CDH8: variants seen among roughly 807,000 people sequenced by gnomAD.
CDH8 encodes the protein cadherin-8.
In CDH8, 17 loss-of-function variants were observed where a neutral mutation model predicts 68.1. That is an observed-to-expected ratio of 0.25 (90% confidence interval 0.17 to 0.37). CDH8 has a LOEUF of 0.37. Among genes scored for constraint, CDH8 ranks in the 10% least tolerant of loss-of-function variants. The pLI, the probability that CDH8 is intolerant of heterozygous loss-of-function variation, is 1.00. For missense variants in CDH8, 763 were observed against 999.3 expected (o/e 0.76, Z 3.19); for synonymous variants, 372 against 365.1 (o/e 1.02, Z -0.21).
In CDH8 at chr16:62,021,292, A is replaced by G; in HGVS notation, c.112T>C (p.Leu38=). The change falls in exon 2 of 12, where the codon TTA becomes CTA. Residue 38 remains leucine (L), a synonymous_variant. Transcript: ENST00000577390. ...YMAPMNQSQV[L]MSGSPLELNS... ...AGTTCCAAAGGGGATCCACTCATTAAAACTTGAGACTGATTCATCGGAGCC... is the reference window on the plus strand; with the variant it reads ...AGTTCCAAAGGGGATCCACTCATTAGAACTTGAGACTGATTCATCGGAGCC... 6.2e-7 allele frequency: 1 copy of G among 1,614,060 alleles called. No individual in the cohort carries two copies. The highest frequency in any genetic ancestry group is 8.5e-7 in the Non-Finnish European group (1 of 1,179,952).
intron 8 of CDH8, among the ~76,000 whole-genome samples, chr16:61,729,032 A>G (rs533581143): frequency 2.6e-5 from 4 of 151,324 alleles, no homozygotes; most frequent in South Asian, 4.1e-4. Context: ...CATCAGGTAT[A>G]TTGAATGTTT....
intron 7 of CDH8, among the ~76,000 whole-genome samples, chr16:61,813,650 T>C (rs1962006711): frequency 6.6e-6 from 1 of 152,154 alleles, no homozygotes; most frequent in African/African-American, 2.4e-5. Flanking sequence ...GGGAGCCTGT[T>C]AGCATGACTC....
At chr16:61,869,981 A>C (rs929127024) in intron 3 of CDH8, among the ~76,000 whole-genome samples, 1 of 152,200 alleles carries the variant, frequency 6.6e-6, no homozygotes, top group African/African-American at 2.4e-5. Flanking sequence ...AACAGCTGCG[A>C]CATTTTTCTT....
intron 3 of CDH8, among the ~76,000 whole-genome samples, chr16:61,897,329 T>C (rs920778116): frequency 3.9e-5 from 6 of 152,088 alleles, no homozygotes; most frequent in South Asian, 2.1e-4. Flanking sequence ...CTCCGCTCAC[T>C]GCAACCTCCA....
At chr16:61,721,764 G>A (rs62050475) in intron 9 of CDH8, among the ~76,000 whole-genome samples, 20,948 of 150,572 alleles carry the variant, frequency 0.14, 1,532 homozygotes, top group African/African-American at 0.2. Flanking sequence ...AGAGCATTGC[G>A]ACATCCTAGA....
intron 9 of CDH8, among the ~76,000 whole-genome samples, chr16:61,717,988 CAT>C (rs1330091122): frequency 6.6e-6 from 1 of 151,180 alleles, no homozygotes; most frequent in Non-Finnish European, 1.5e-5. Flanking sequence ...TACACACATA[CAT>C]GTGTGTATGT....
intron 10 of CDH8, chr16:61,691,751 G>A (rs978990624): frequency 5.3e-5 from 8 of 151,838 alleles, no homozygotes; most frequent in African/African-American, 1.9e-4. Context: ...AGTATACAAG[G>A]CAGCTTTTGT....
At chr16:61,836,491 A>G (rs1962571823) in intron 4 of CDH8, among the ~76,000 whole-genome samples, 1 of 152,066 alleles carries the variant, frequency 6.6e-6, no homozygotes, top group Non-Finnish European at 1.5e-5. Flanking sequence ...AACTACTACC[A>G]CTACAACCCC....
chr16:61,780,477 T>C (rs1436379), intron 8 of CDH8, among the ~76,000 whole-genome samples: 83,887 of 152,138 alleles, frequency 0.55, 25,567 homozygotes, highest in African/African-American at 0.83. Context: ...AGATGGACTT[T>C]GCTAAAATCC....
At chr16:61,817,349 G>T in intron 7 of CDH8, 130 bp downstream of exon 7, 1 of 816,686 alleles carries the variant, frequency 1.2e-6, no homozygotes, top group Non-Finnish European at 2.0e-6. Context: ...CACAGTATGT[G>T]CCAACCAACA....
chr16:61,814,155 ACG>A (rs1962021073), intron 7 of CDH8, among the ~76,000 whole-genome samples: 2 of 152,206 alleles, frequency 1.3e-5, no homozygotes, highest in African/African-American at 4.8e-5. Flanking sequence ...ATTATCCCAT[ACG>A]GAGGAGAAAA....
intron 8 of CDH8, among the ~76,000 whole-genome samples, chr16:61,738,657 T>C (rs1286599350): frequency 6.6e-6 from 1 of 152,174 alleles, no homozygotes; most frequent in East Asian, 1.9e-4. Flanking sequence ...ATAGTGTGAA[T>C]GAGCATGGAA....
chr16:61,828,926 CT>C (rs1962398404), intron 4 of CDH8, among the ~76,000 whole-genome samples: 1 of 151,848 alleles, frequency 6.6e-6, no homozygotes, highest in Non-Finnish European at 1.5e-5. Context: ...CCCAAACACA[CT>C]GTTCCCCTTC....
intron 10 of CDH8, chr16:61,693,462 T>C (rs1964271354): frequency 6.6e-6 from 1 of 152,120 alleles, no homozygotes; most frequent in African/African-American, 2.4e-5. Flanking sequence ...GAAAAGTTTG[T>C]GCACTCTTAG....
chr16:61,864,458 G>T (rs1182060399), intron 3 of CDH8, among the ~76,000 whole-genome samples: 1 of 152,086 alleles, frequency 6.6e-6, no homozygotes, highest in East Asian at 1.9e-4. Flanking sequence ...TGCAGCCCAT[G>T]CATTCATTTT....
intron 10 of CDH8, among the ~76,000 whole-genome samples, chr16:61,664,912 T>A (rs1294162410): frequency 6.6e-6 from 1 of 152,062 alleles, no homozygotes; most frequent in Non-Finnish European, 1.5e-5. Context: ...TTGAAGCATT[T>A]GGAGTTGGAA....
chr16:61,822,308 G>A (rs543351149), intron 5 of CDH8, among the ~76,000 whole-genome samples: 1 of 130,904 alleles, frequency 7.6e-6, no homozygotes, highest in Non-Finnish European at 1.6e-5. Flanking sequence ...TCCCATCTCC[G>A]AGTTAAACTT....
chr16:61,658,055 C>T (rs1963484395), intron 10 of CDH8, among the ~76,000 whole-genome samples: 1 of 152,020 alleles, frequency 6.6e-6, no homozygotes, highest in Admixed American at 6.5e-5. Context: ...CAGGCAACAT[C>T]AATTCCTTTT....
At chr16:61,885,305 T>C (rs1414594353) in intron 3 of CDH8, among the ~76,000 whole-genome samples, 1 of 152,204 alleles carries the variant, frequency 6.6e-6, no homozygotes, top group African/African-American at 2.4e-5. Context: ...CTGTTATAGA[T>C]ATATGCATTT....
Sources: gnomAD v4.1 joint callset for allele counts (sites outside exome capture counted in the v4.1 genomes callset) on GRCh38, gnomAD v4.1.1 for gene constraint, MANE v1.5 for transcripts, NCBI Gene and HGNC (gene_info 2026-07-23, HGNC 2026-07-21) for gene names.